RNF17: variants seen among roughly 807,000 people sequenced by gnomAD.
RNF17 encodes the protein spermatogenesis associated 23.
A neutral mutation model predicts 200.5 loss-of-function variants in RNF17; 31 were observed. That is an observed-to-expected ratio of 0.15 (90% CI 0.12 to 0.21). RNF17 has a LOEUF of 0.21. Ranked by LOEUF, RNF17 falls within the 10% of genes least tolerant of loss-of-function variation. The pLI is 1.00. For synonymous variants in RNF17, 606 were observed against 637.8 expected, an observed-to-expected ratio of 0.95 and a Z score of 0.75; for missense variants, 1,628 against 1,905.1, an observed-to-expected ratio of 0.85 and a Z score of 2.71.
At chr13:24,836,584 A>G (rs1431030091) in intron 18 of RNF17, among the ~76,000 whole-genome samples, 1 of 152,198 alleles carries the variant, frequency 6.6e-6, no homozygotes, top group Non-Finnish European at 1.5e-5. Context: ...TTTATCAACC[A>G]AGAATTTTCT....
At position 24,879,837 on chromosome 13, in the gene RNF17, CAGCA is replaced by C; in HGVS notation, c.*112_*115del. 6.6e-6 allele frequency: 1 copy of C among 152,270 alleles called. No individual in the cohort carries two copies. Among genetic ancestry groups the C allele is most frequent in the Middle Eastern group, 3.4e-3 (1 of 294 alleles). The allele number at this position is 152,270 out of a possible 1,614,324, so 9.4% of individuals were successfully genotyped here. A position where few individuals can be genotyped will look rare whatever the true frequency, so the allele number is the denominator to read the frequency against. ...TCAGGCTTAATTTTCCTAACTTGTT[CAGCA>C]CTAGTGCTTTACCTCTCATTTTTAA... On this transcript the variant is annotated 3_prime_UTR_variant, in exon 36 of 36. Coordinates refer to ENST00000255324, the MANE Select transcript of RNF17 (RefSeq NM_031277.3).
At chr13:24,870,820 T>TC (rs1894173319) in intron 32 of RNF17, 81 bp downstream of exon 32, 1 of 1,058,426 alleles carries the variant, frequency 9.4e-7, no homozygotes, top group African/African-American at 1.6e-5. Flanking sequence ...CCTTGGGCTA[T>TC]CTCTAATGCT....
Position 24,874,130 on chromosome 13 carries a change from A to G in RNF17, c.4464A>G (p.Ala1488=). The change falls in exon 33 of 36, where the codon GCA becomes GCG. Residue 1488 remains alanine (A), a synonymous_variant. Coordinates refer to ENST00000255324, the MANE Select transcript of RNF17 (RefSeq NM_031277.3). ...TCTTTCCAGAAATGCCTTGCCTTGC[A>G]GAATATGATGATGGCTTATGGTATA... The part of the protein sequence containing the change: ...TDFRTEMPCL[A]EYDDGLWYRA... The G allele has an allele frequency of 6.2e-7, 1 of 1,605,944 alleles. No homozygotes were observed. The highest frequency in any genetic ancestry group is 1.1e-5 in the South Asian group (1 of 88,188).
chr13:24,885,505 ACT>A, the RNF17 span: 118 of 1,182,280 alleles, frequency 1.0e-4, no homozygotes, highest in Admixed American at 6.8e-4. Flanking sequence ...TTAAGTAAAA[ACT>A]CTTTTTTACA....
At position 24,789,694 on chromosome 13, in the gene RNF17, A is replaced by G. The variant is rs770849190; in HGVS notation, c.861-4A>G. ...TTTATGTATATGTTAATGTTTTATT[A>G]TAGGTTGAGTGTGAATTGCAGTGAG... On this transcript the variant is annotated splice_polypyrimidine_tract_variant and splice_region_variant and intron_variant, in intron 8 of 35. Transcript: ENST00000255324. The G allele has an allele frequency of 8.3e-6, 13 of 1,567,496 alleles. No individual in the cohort carries two copies. Among genetic ancestry groups the G allele is most frequent in the South Asian group, 6.7e-5 (6 of 89,886 alleles).
chr13:24,879,108 G>A (rs1180113815), intron 34 of RNF17, 79 bp from the exon 35 acceptor site: 6 of 1,043,176 alleles, frequency 5.8e-6, no homozygotes, highest in Admixed American at 1.8e-5. Flanking sequence ...TTTCACACCC[G>A]TGTGAATGGC....
chr13:24,884,009 G>T, downstream of RNF17: 1 of 1,614,024 alleles, frequency 6.2e-7, no homozygotes. Flanking sequence ...CTTTCTTCTT[G>T]TCCATCAGGA....
the RNF17 span, chr13:24,885,217 A>C: frequency 1.1e-5 from 13 of 1,158,292 alleles, no homozygotes; most frequent in South Asian, 1.4e-4. Flanking sequence ...ATGTGTTTCA[A>C]CTATTTTAAC....
At chr13:24,791,962 TC>T (rs897732546) in intron 9 of RNF17, among the ~76,000 whole-genome samples, 34 of 152,208 alleles carry the variant, frequency 2.2e-4, no homozygotes, top group African/African-American at 6.8e-4. Flanking sequence ...CTGATTAGAT[TC>T]CTCTCCATCA....
chr13:24,883,099 TAAAC>T, downstream of RNF17: 1 of 1,283,284 alleles, frequency 7.8e-7, no homozygotes, highest in Non-Finnish European at 1.1e-6. Context: ...CACAATAAAT[TAAAC>T]AGAATCCACA....
upstream of RNF17, among the ~76,000 whole-genome samples, chr13:24,760,762 TAAAC>T (rs1389272294): frequency 2.0e-5 from 3 of 152,050 alleles, no homozygotes; most frequent in Admixed American, 1.3e-4. Flanking sequence ...ATAAGGAACA[TAAAC>T]AACTCAGTAG....
At chr13:24,817,284 C>G (rs1400885680) in intron 15 of RNF17, among the ~76,000 whole-genome samples, 1 of 152,034 alleles carries the variant, frequency 6.6e-6, no homozygotes, top group Non-Finnish European at 1.5e-5. Flanking sequence ...CTGTTTGAAC[C>G]TCTTTACTAG....
intron 24 of RNF17, among the ~76,000 whole-genome samples, chr13:24,852,342 G>C (rs1180048352): frequency 6.6e-6 from 1 of 152,042 alleles, no homozygotes; most frequent in Non-Finnish European, 1.5e-5. Context: ...GTTTCACCGT[G>C]TTAGCCAGGA....
At chr13:24,765,522 G>C (rs1237900331) in intron 1 of RNF17, among the ~76,000 whole-genome samples, 3 of 152,200 alleles carry the variant, frequency 2.0e-5, no homozygotes, top group Admixed American at 6.5e-5. Context: ...TGCAGAAAAA[G>C]TTGTGATTTC....
At chr13:24,773,540 G>A (rs1881096221) in intron 2 of RNF17, among the ~76,000 whole-genome samples, 1 of 152,100 alleles carries the variant, frequency 6.6e-6, no homozygotes, top group South Asian at 2.1e-4. Flanking sequence ...TAGACACTGG[G>A]GACTGCTAGA....
At chr13:24,865,613 TG>T (rs1566246909) in intron 29 of RNF17, among the ~76,000 whole-genome samples, 3 of 152,218 alleles carry the variant, frequency 2.0e-5, no homozygotes, top group Non-Finnish European at 2.9e-5. Flanking sequence ...GCAGTCTACT[TG>T]TTAGACTCTT....
chr13:24,868,213 C>G (rs3927070), intron 30 of RNF17, among the ~76,000 whole-genome samples: 1 of 151,936 alleles, frequency 6.6e-6, no homozygotes, highest in African/African-American at 2.4e-5. Context: ...GCTCACGCCT[C>G]TAATCCCAGC....
At chr13:24,880,759 C>CT (rs1374698769), downstream of RNF17, among the ~76,000 whole-genome samples, 1 of 152,120 alleles carries the variant, frequency 6.6e-6, no homozygotes, top group Non-Finnish European at 1.5e-5. Context: ...TGCTTTTTGA[C>CT]TTTTACAATT....
intron 2 of RNF17, among the ~76,000 whole-genome samples, chr13:24,768,643 G>C (rs561962219): frequency 6.6e-6 from 1 of 151,806 alleles, no homozygotes; most frequent in East Asian, 1.9e-4. Context: ...TGTATCATTT[G>C]TTTTCTGTGG....
Sources: gnomAD v4.1 joint callset for allele counts (sites outside exome capture counted in the v4.1 genomes callset) on GRCh38, gnomAD v4.1.1 for gene constraint, MANE v1.5 for transcripts, NCBI Gene and HGNC (gene_info 2026-07-23, HGNC 2026-07-21) for gene names.